The following NELL1 variants were observed in gnomAD, a reference collection of about 807,000 sequenced individuals.
NELL1 encodes the protein protein kinase C-binding protein NELL1.
NELL1 carries 76 observed loss-of-function variants against 107.4 expected under a neutral mutation model. That is an observed-to-expected ratio of 0.71 (90% CI 0.59 to 0.86). The LOEUF (loss-of-function observed/expected upper bound fraction) is 0.86, where lower values mean the gene tolerates loss of function less well. Among genes scored for constraint, NELL1 ranks in the 40% least tolerant of loss-of-function variants. The pLI, the probability that NELL1 is intolerant of heterozygous loss-of-function variation, is 0.00. For missense variants in NELL1, 1,024 were observed against 1,005.5 expected (o/e 1.02, Z -0.25); for synonymous variants, 353 against 341.2 (o/e 1.03, Z -0.38).
chr11:20,985,488 A>C (rs1377385378), intron 12 of NELL1, among the ~76,000 whole-genome samples: 1 of 152,188 alleles, frequency 6.6e-6, no homozygotes, highest in East Asian at 1.9e-4. Context: ...GCTTGGGCGT[A>C]TGGACAGCTA....
At chr11:21,486,262 G>A (rs1463856131) in intron 15 of NELL1, among the ~76,000 whole-genome samples, 1 of 152,108 alleles carries the variant, frequency 6.6e-6, no homozygotes, top group East Asian at 1.9e-4. Context: ...CCACCACAGG[G>A]ACCCGAAGAC....
chr11:21,007,197 CCT>C (rs1852345876), intron 12 of NELL1, among the ~76,000 whole-genome samples: 2 of 152,096 alleles, frequency 1.3e-5, no homozygotes, highest in African/African-American at 2.4e-5. Context: ...TTTCCCTTAT[CCT>C]CTTATTGTCT....
At chr11:20,706,346 T>G (rs1301964098) in intron 2 of NELL1, among the ~76,000 whole-genome samples, 3 of 151,942 alleles carry the variant, frequency 2.0e-5, no homozygotes, top group Admixed American at 6.6e-5. Flanking sequence ...CCATAAAAAA[T>G]GATGAGTTCA....
chr11:21,515,893 A>G (rs1302234714), intron 15 of NELL1, among the ~76,000 whole-genome samples: 1 of 152,196 alleles, frequency 6.6e-6, no homozygotes, highest in Non-Finnish European at 1.5e-5. Context: ...GAGCTGAACG[A>G]GTAGCTTCAT....
intron 15 of NELL1, among the ~76,000 whole-genome samples, chr11:21,524,091 G>A (rs1164697426): frequency 6.6e-6 from 1 of 151,958 alleles, no homozygotes; most frequent in East Asian, 1.9e-4. Context: ...AAAGTCCTAT[G>A]TATTCCCCCA....
chr11:20,797,703 G>T (rs761013657), intron 3 of NELL1, among the ~76,000 whole-genome samples: 34 of 152,180 alleles, frequency 2.2e-4, no homozygotes, highest in Admixed American at 5.2e-4. Flanking sequence ...GAGTAGACTG[G>T]ATGTAGTTCT....
intron 12 of NELL1, among the ~76,000 whole-genome samples, chr11:21,082,624 G>C (rs1476587330): frequency 6.6e-6 from 1 of 152,138 alleles, no homozygotes; most frequent in Non-Finnish European, 1.5e-5. Flanking sequence ...GCCAGATCTT[G>C]CTCTAGCATT....
chr11:20,919,051 T>C (rs1260830409), intron 6 of NELL1, among the ~76,000 whole-genome samples: 3 of 151,944 alleles, frequency 2.0e-5, no homozygotes, highest in African/African-American at 7.2e-5. Flanking sequence ...AATGCCTTTT[T>C]CCTGTTCCTT....
rs753816702 is a variant in NELL1, at chr11:21,570,863, T to C, written c.2080T>C (p.Cys694Arg). 3 of 1,612,034 alleles carry C rather than the reference T, an allele frequency of 1.9e-6. No individual in the cohort carries two copies. The highest frequency in any genetic ancestry group is 2.5e-6 in the Non-Finnish European group (3 of 1,178,720). ...PECDTRVTSQ[C>R]LDQNGHKLYR... ...ATGTGACACCAGAGTCACAAGTCAA[T>C]GTTTAGACCAAAATGGTCACAAGCT... Residue 694 changes from cysteine (C) to arginine (R), a missense_variant, in exon 18 of 20, where the codon TGT becomes CGT. Coordinates refer to ENST00000357134, the MANE Select transcript of NELL1 (RefSeq NM_006157.5).
intron 12 of NELL1, among the ~76,000 whole-genome samples, chr11:21,067,630 T>A: frequency 6.6e-6 from 1 of 152,144 alleles, no homozygotes. Context: ...TAACTGCAGG[T>A]GAATTGCAAA....
At chr11:20,969,819 T>C (rs1184833162) in intron 12 of NELL1, among the ~76,000 whole-genome samples, 1 of 151,970 alleles carries the variant, frequency 6.6e-6, no homozygotes, top group Admixed American at 6.6e-5. Context: ...AAGGCCAAAA[T>C]AAAGGCCTTA....
At chr11:21,015,447 T>C (rs1852543038) in intron 12 of NELL1, among the ~76,000 whole-genome samples, 1 of 152,138 alleles carries the variant, frequency 6.6e-6, no homozygotes, top group Non-Finnish European at 1.5e-5. Context: ...TGGTTAAAAA[T>C]GCCTGTCCAG....
chr11:20,943,077 TAGAA>T (rs1850889904), intron 10 of NELL1, among the ~76,000 whole-genome samples: 1 of 151,868 alleles, frequency 6.6e-6, no homozygotes, highest in African/African-American at 2.4e-5. Flanking sequence ...TTTAATAATT[TAGAA>T]AGAAGTTGGG....
intron 14 of NELL1, among the ~76,000 whole-genome samples, chr11:21,232,148 A>AATAAT (rs200737626): frequency 0.051 from 282 of 5,488 alleles, 3 homozygotes; most frequent in African/African-American, 0.073. Flanking sequence ...AAAAAAAAAT[A>AATAAT]AAAAAAAAAA....
chr11:20,986,720 T>A (rs1161430667), intron 12 of NELL1, among the ~76,000 whole-genome samples: 1 of 148,798 alleles, frequency 6.7e-6, no homozygotes, highest in East Asian at 1.9e-4. Flanking sequence ...TTGGGCACCT[T>A]TTTTTTTTCT....
intron 12 of NELL1, among the ~76,000 whole-genome samples, chr11:21,049,646 GTC>G (rs1853443451): frequency 6.6e-6 from 1 of 151,912 alleles, no homozygotes; most frequent in Non-Finnish European, 1.5e-5. Flanking sequence ...TATCTTTAGA[GTC>G]TGCTGCCTCA....
At chr11:21,124,104 A>G (rs1451599526) in intron 13 of NELL1, among the ~76,000 whole-genome samples, 1 of 152,156 alleles carries the variant, frequency 6.6e-6, no homozygotes, top group African/African-American at 2.4e-5. Context: ...TAAACATGAT[A>G]CTTTTTCTTT....
intron 4 of NELL1, among the ~76,000 whole-genome samples, chr11:20,863,630 A>G (rs1436939227): frequency 1.4e-5 from 2 of 138,714 alleles, no homozygotes; most frequent in Admixed American, 7.2e-5. Flanking sequence ...CAGACTGGGC[A>G]GCCGGGCAGA....
intron 11 of NELL1, among the ~76,000 whole-genome samples, chr11:20,953,961 C>T (rs1038890320): frequency 2.0e-5 from 3 of 152,130 alleles, no homozygotes; most frequent in Non-Finnish European, 4.4e-5. Context: ...GGTATAATGC[C>T]TGCACATGTG....
Sources: gnomAD v4.1 joint callset for allele counts (sites outside exome capture counted in the v4.1 genomes callset) on GRCh38, gnomAD v4.1.1 for gene constraint, MANE v1.5 for transcripts, NCBI Gene and HGNC (gene_info 2026-07-23, HGNC 2026-07-21) for gene names.